Variants in YJEFN3 observed in about 807,000 individuals in gnomAD.
YJEFN3 encodes yjeF N-terminal domain-containing protein 3.
Under a neutral mutation model 31.5 loss-of-function variants are expected in YJEFN3, and 29 were observed. That is an observed-to-expected ratio of 0.92 (90% CI 0.69 to 1.26). YJEFN3 has a LOEUF of 1.26. Among genes scored for constraint, YJEFN3 ranks in the 50% most tolerant of loss-of-function variants. The pLI, the probability that YJEFN3 is intolerant of heterozygous loss-of-function variation, is 0.00. For missense variants in YJEFN3, 442 were observed against 425.4 expected, an observed-to-expected ratio of 1.04 and a Z score of -0.34; for synonymous variants, 227 against 196.1, an observed-to-expected ratio of 1.16 and a Z score of -1.32.
chr19:19,529,598 G>A (rs549923561), intron 2 of YJEFN3, 85 bp downstream of exon 2: 76 of 1,544,146 alleles, frequency 4.9e-5, no homozygotes, highest in Non-Finnish European at 6.4e-5. Context: ...GGGACCCCAG[G>A]CAAGGCTGTT....
Position 19,535,612 on chromosome 19 carries a change from C to G in YJEFN3, c.627C>G (p.Pro209=), listed in dbSNP as rs1309388336. 23 of 1,587,504 alleles carry G rather than the reference C, an allele frequency of 1.4e-5. No homozygotes were observed. The East Asian group carries it at 5.2e-4, about 36-fold the overall frequency. ...PGVEPGEVGG[P]CTRALATLKL... ...TGGAGCCGGGCGAGGTCGGGGGCCC[C>G]TGCACCCGCGCGCTGGCCACGCTCA... The change falls in exon 6 of 7, where the codon CCC becomes CCG. Residue 209 remains proline, a synonymous_variant. Transcript: ENST00000514277.
intron 6 of YJEFN3, chr19:19,536,000 T>C (rs968487021): frequency 4.9e-5 from 27 of 550,954 alleles, no homozygotes; most frequent in Non-Finnish European, 8.3e-5. Context: ...GCCCCATGCC[T>C]GTTGGAACCA....
intron 2 of YJEFN3, among the ~76,000 whole-genome samples, chr19:19,531,425 A>G (rs1215402726): frequency 2.6e-5 from 4 of 151,898 alleles, no homozygotes; most frequent in Non-Finnish European, 4.4e-5. Flanking sequence ...GTTTTTTATT[A>G]TTATCTTAGA....
chr19:19,537,090 C>T (rs1487590207), intron 6 of YJEFN3, among the ~76,000 whole-genome samples: 1 of 145,236 alleles, frequency 6.9e-6, no homozygotes, highest in Non-Finnish European at 1.5e-5. Context: ...TGTCTGAGGG[C>T]GGAGGCAGAG....
Position 19,531,999 on chromosome 19 carries a change from T to G in YJEFN3, c.210-633T>G, listed in dbSNP as rs990058692. Reference sequence around the variant, plus strand: ...AAGTGATCCACCCGCCTCATCCTCCTGAAGTGCTGGGATTACGGATGTGAG... The same window carrying G: ...AAGTGATCCACCCGCCTCATCCTCCGGAAGTGCTGGGATTACGGATGTGAG... On this transcript the variant is annotated intron_variant, in intron 2 of 6. Coordinates refer to ENST00000514277, the MANE Select transcript of YJEFN3 (RefSeq NM_198537.4). 5.9e-5 allele frequency among the ~76,000 whole-genome samples: 9 copies of G among 152,052 alleles called. 1 individual carries two copies. Among genetic ancestry groups the G allele is most frequent in the Admixed American group, 5.9e-4 (9 of 15,260 alleles).
chr19:19,535,186 C>G, intron 4 of YJEFN3, 42 bp downstream of exon 4: 1 of 1,553,288 alleles, frequency 6.4e-7, no homozygotes, highest in South Asian at 1.2e-5. Context: ...AGTCCCTGCC[C>G]CTGCAGAAAT....
chr19:19,531,675 T>C (rs2061157131), intron 2 of YJEFN3, among the ~76,000 whole-genome samples: 1 of 150,554 alleles, frequency 6.6e-6, no homozygotes, highest in South Asian at 2.1e-4. Flanking sequence ...ATGGCAGAGC[T>C]TCACCTCCAG....
intron 3 of YJEFN3, chr19:19,533,465 C>A (rs745401874): frequency 1.0e-6 from 1 of 956,444 alleles, no homozygotes; most frequent in Non-Finnish European, 1.2e-6. Context: ...CTCCTCCTGC[C>A]CCCTCCTCTT....
At chr19:19,531,138 T>G (rs969068182) in intron 2 of YJEFN3, among the ~76,000 whole-genome samples, 20 of 152,260 alleles carry the variant, frequency 1.3e-4, no homozygotes, top group Non-Finnish European at 2.9e-5. Flanking sequence ...TCTGCCTACC[T>G]GGCCTTATCA....
At chr19:19,532,551 A>C in intron 2 of YJEFN3, 81 bp from the exon 3 acceptor site, 3 of 1,006,392 alleles carry the variant, frequency 3.0e-6, no homozygotes, top group African/African-American at 1.6e-5. Flanking sequence ...CCGGGTTCAG[A>C]AGCTTGGCGG....
chr19:19,529,479 G>A lies in YJEFN3; in HGVS notation c.175G>A (p.Glu59Lys), dbSNP rs761143167. Residue 59 changes from glutamate to lysine, a missense_variant, in exon 2 of 7, where the codon GAG (glutamate) becomes AAG (lysine). Glu to Lys is a moderately conservative substitution (Grantham distance 56). Coordinates refer to ENST00000514277, the MANE Select transcript of YJEFN3 (RefSeq NM_198537.4). The part of the protein sequence containing the change: ...KQAWGRQSWL[E>K]QIWNAGPVCQ... ...GGCCTGGGGAAGGCAGTCATGGCTAGAGCAGATTTGGAACGCAGGGCCTGT... is the reference window on the plus strand; with the variant it reads ...GGCCTGGGGAAGGCAGTCATGGCTAAAGCAGATTTGGAACGCAGGGCCTGT... The A allele has an allele frequency of 6.2e-7, 1 of 1,614,020 alleles. No homozygotes were observed. The highest frequency in any genetic ancestry group is 8.5e-7 in the Non-Finnish European group (1 of 1,180,026).
At chr19:19,532,591 C>T (rs1279186908) in intron 2 of YJEFN3, 41 bp from the exon 3 acceptor site, 3 of 1,374,940 alleles carry the variant, frequency 2.2e-6, no homozygotes, top group Non-Finnish European at 3.0e-6. Flanking sequence ...GAGGCTCTGT[C>T]TCTGTGTGTC....
At chr19:19,532,560 G>A (rs917732634) in intron 2 of YJEFN3, 72 bp from the exon 3 acceptor site, 7 of 1,083,732 alleles carry the variant, frequency 6.5e-6, no homozygotes, top group Middle Eastern at 4.1e-4. Flanking sequence ...GAAGCTTGGC[G>A]GAACATTTCT....
rs1411995462 is a variant in YJEFN3, at chr19:19,532,627, C to T, written c.210-5C>T. The T allele has an allele frequency of 6.5e-7, 1 of 1,540,524 alleles. No individual in the cohort carries two copies. Among genetic ancestry groups the T allele is most frequent in the Admixed American group, 1.9e-5 (1 of 51,966 alleles). On this transcript the variant is annotated splice_polypyrimidine_tract_variant and splice_region_variant and intron_variant, in intron 2 of 6. Coordinates refer to ENST00000514277, the MANE Select transcript of YJEFN3 (RefSeq NM_198537.4). ...TCTGAGTGTCCCATCCCACTCTGTC[C>T]CCAGCACCGCGGAGGCAGCCGCCCT...
chr19:19,535,838 T>C, intron 6 of YJEFN3, 159 bp downstream of exon 6: 1 of 1,019,810 alleles, frequency 9.8e-7, no homozygotes, highest in Non-Finnish European at 1.5e-6. Flanking sequence ...ATCCCTCTGA[T>C]GGGGAAGATC....
rs775996223 is a variant in YJEFN3, at chr19:19,537,335, C to T, written c.711C>T (p.Thr237=). The T allele has an allele frequency of 3.7e-5, 59 of 1,594,448 alleles. No homozygotes were observed. Among genetic ancestry groups the T allele is most frequent in the Non-Finnish European group, 4.8e-5 (56 of 1,176,548 alleles). ...CTCCCTCAGGCTGGGACGCAGAGACCGGCAGCGATTCGGAGGACGGGCTGC... is the reference window on the plus strand; with the variant it reads ...CTCCCTCAGGCTGGGACGCAGAGACTGGCAGCGATTCGGAGGACGGGCTGC... ...LDIPSGWDAE[T]GSDSEDGLRP... is the part of the protein sequence containing the mutation. The change falls in exon 7 of 7, where the codon ACC becomes ACT. Residue 237 remains threonine (T), a synonymous_variant. Coordinates refer to ENST00000514277, the MANE Select transcript of YJEFN3 (RefSeq NM_198537.4).
In YJEFN3 at chr19:19,535,371, C is replaced by T. The variant is rs527888583; in HGVS notation, c.464C>T (p.Ser155Leu). The T allele has an allele frequency of 1.8e-5, 29 of 1,613,978 alleles. No homozygotes were observed. Among genetic ancestry groups the T allele is most frequent in the South Asian group, 7.7e-5 (7 of 91,082 alleles). Residue 155 changes from serine to leucine, a missense_variant, in exon 5 of 7, where the codon TCG becomes TTG. Ser to Leu is a moderately radical substitution (Grantham distance 145, BLOSUM62 -2). Transcript: ENST00000514277. ...CCCACCATCTTCTACCCCACACGCT[C>T]GCTGGACCTGCTGCATCGGGACCTG... ...YEPTIFYPTR[S>L]LDLLHRDLTT...
chr19:19,530,511 CA>C (rs1319563326), intron 2 of YJEFN3, among the ~76,000 whole-genome samples: 1 of 152,056 alleles, frequency 6.6e-6, no homozygotes, highest in Non-Finnish European at 1.5e-5. Context: ...TGCTAGAGGC[CA>C]AAGCTTTGGG....
At position 19,529,344 on chromosome 19, in the gene YJEFN3, C is replaced by T. The variant is rs746238646; in HGVS notation, c.60-20C>T. 9.4e-6 allele frequency: 15 copies of T among 1,600,332 alleles called. No individual in the cohort carries two copies. The South Asian group carries it at 1.3e-4, about 14-fold the overall frequency. On this transcript the variant is annotated intron_variant, in intron 1 of 6. Coordinates refer to ENST00000514277, the MANE Select transcript of YJEFN3 (RefSeq NM_198537.4). ...ACCGAACCCCAACCGTGGCCCACCC[C>T]CACTCTCCATCTCTCCCAGGGCCTT...
Sources: gnomAD v4.1 joint callset for allele counts (sites outside exome capture counted in the v4.1 genomes callset) on GRCh38, gnomAD v4.1.1 for gene constraint, MANE v1.5 for transcripts, NCBI Gene and HGNC (gene_info 2026-07-23, HGNC 2026-07-21) for gene names.